Variants in SNTB2 observed in about 807,000 individuals in gnomAD.
SNTB2 encodes syntrophin beta 2, also known as beta-2-syntrophin.
SNTB2 carries 34 observed loss-of-function variants against 46.2 expected under a neutral mutation model. The observed-to-expected ratio is 0.74, with a 90% CI of 0.56 to 0.98. SNTB2 has a LOEUF of 0.98. Among genes scored for constraint, SNTB2 ranks in the 50% least tolerant of loss-of-function variants. The pLI is 0.00. For synonymous variants in SNTB2, 290 were observed against 312.6 expected, an observed-to-expected ratio of 0.93 and a Z score of 0.76; for missense variants, 603 against 731.4, an observed-to-expected ratio of 0.82 and a Z score of 2.02.
At chr16:69,191,974 A>G (rs1229891283) in intron 1 of SNTB2, among the ~76,000 whole-genome samples, 1 of 152,102 alleles carries the variant, frequency 6.6e-6, no homozygotes, top group Non-Finnish European at 1.5e-5. Flanking sequence ...TAATTGGGAC[A>G]GATTTGTATA....
intron 5 of SNTB2, among the ~76,000 whole-genome samples, chr16:69,297,306 CAAAAAAAAAAAAA>C (rs60543622): frequency 2.2e-4 from 10 of 45,724 alleles, no homozygotes; most frequent in South Asian, 3.6e-3. Context: ...GATTCTATCT[CAAAAAAAAAAAAA>C]AAAAAAAAAA....
chr16:69,267,943 A>T (rs1418221043), intron 3 of SNTB2, among the ~76,000 whole-genome samples: 1 of 152,238 alleles, frequency 6.6e-6, no homozygotes. Context: ...GATCAGTGTT[A>T]AAATGCAGTG....
intron 1 of SNTB2, among the ~76,000 whole-genome samples, chr16:69,201,889 T>G (rs1434559877): frequency 6.6e-6 from 1 of 152,284 alleles, no homozygotes; most frequent in East Asian, 1.9e-4. Context: ...CATACCTGGA[T>G]GGAAAATTGC....
intron 1 of SNTB2, among the ~76,000 whole-genome samples, chr16:69,223,890 G>A (rs12925053): frequency 0.16 from 24,812 of 151,516 alleles, 2,225 homozygotes; most frequent in Middle Eastern, 0.24. Context: ...TCAGCCTCCC[G>A]AAGTGTTGGG....
intron 1 of SNTB2, among the ~76,000 whole-genome samples, chr16:69,221,154 G>A (rs1964399945): frequency 6.6e-6 from 1 of 152,084 alleles, no homozygotes; most frequent in African/African-American, 2.4e-5. Context: ...GAATACAAAG[G>A]TTTAAAACAT....
chr16:69,265,281 G>A (rs1421863928), intron 3 of SNTB2, among the ~76,000 whole-genome samples: 1 of 151,940 alleles, frequency 6.6e-6, no homozygotes, highest in Non-Finnish European at 1.5e-5. Flanking sequence ...CCAAGGAAAA[G>A]GTTTATTTTA....
At position 69,305,204 on chromosome 16, in the gene SNTB2, G is replaced by A. The variant is rs1304665016; in HGVS notation, c.*4280G>A. 2 of 152,548 alleles carry A rather than the reference G, an allele frequency of 1.3e-5. No individual in the cohort carries two copies. The highest frequency in any genetic ancestry group is 4.8e-5 in the African/African-American group (2 of 41,426). 9.4% of individuals were successfully genotyped at this position (152,548 alleles called of 1,614,324 possible). A position where few individuals can be genotyped will look rare whatever the true frequency, so the allele number is the denominator to read the frequency against. ...AGAATCTCTGTTCATATATTTTAAT[G>A]CAAATTACCTTGTATGCTGCTATGC... On this transcript the variant is annotated 3_prime_UTR_variant, in exon 7 of 7. Transcript: ENST00000336278.
intron 1 of SNTB2, among the ~76,000 whole-genome samples, chr16:69,243,817 AC>A (rs1353608034): frequency 2.6e-5 from 4 of 152,224 alleles, no homozygotes; most frequent in African/African-American, 9.6e-5. Flanking sequence ...ACCCAGAAGC[AC>A]GTGTATTATA....
intron 4 of SNTB2, 135 bp downstream of exon 4, chr16:69,270,420 A>AT: frequency 9.0e-7 from 1 of 1,107,546 alleles, no homozygotes; most frequent in East Asian, 2.6e-5. Context: ...GCAGACAAAA[A>AT]TTTTTTGTTT....
Position 69,260,329 on chromosome 16 carries a change from A to G in SNTB2, c.1005+69A>G, listed in dbSNP as rs1301903916. Reference sequence around the variant, plus strand: ...GTGCCAGGATGGTTCCTCATTTAATATATCTGTAATACTTACCATGCAGTT... The same window carrying G: ...GTGCCAGGATGGTTCCTCATTTAATGTATCTGTAATACTTACCATGCAGTT... On this transcript the variant is annotated intron_variant, in intron 3 of 6. Coordinates refer to ENST00000336278, the MANE Select transcript of SNTB2 (RefSeq NM_006750.4). 28 of 1,369,388 alleles carry G rather than the reference A, an allele frequency of 2.0e-5. No homozygotes were observed. The East Asian group carries it at 4.0e-4, about 20-fold the overall frequency. The allele number at this position is 1,369,388 out of a possible 1,614,324, so 84.8% of individuals were successfully genotyped here.
chr16:69,212,985 A>C (rs1334836504), intron 1 of SNTB2, among the ~76,000 whole-genome samples: 1 of 152,208 alleles, frequency 6.6e-6, no homozygotes, highest in South Asian at 2.1e-4. Flanking sequence ...AATAGTGCTT[A>C]ATATACTGAG....
chr16:69,242,147 G>A (rs762693476), intron 1 of SNTB2, among the ~76,000 whole-genome samples: 3 of 152,054 alleles, frequency 2.0e-5, no homozygotes, highest in Non-Finnish European at 4.4e-5. Flanking sequence ...TGAGCAACAG[G>A]CTGGGTGGTG....
intron 5 of SNTB2, 125 bp from the exon 6 acceptor site, chr16:69,299,465 T>C (rs1965259113): frequency 1.1e-6 from 1 of 919,528 alleles, no homozygotes; most frequent in Non-Finnish European, 1.6e-6. Context: ...GAAGTTTCCA[T>C]ACAGGTTAGG....
intron 2 of SNTB2, among the ~76,000 whole-genome samples, chr16:69,246,847 A>G (rs557141568): frequency 1.4e-5 from 2 of 138,182 alleles, no homozygotes; most frequent in African/African-American, 5.4e-5. Context: ...GAATTGAACA[A>G]TGAGATCACA....
chr16:69,293,216 A>C (rs963607679), intron 5 of SNTB2, among the ~76,000 whole-genome samples: 1 of 152,172 alleles, frequency 6.6e-6, no homozygotes, highest in Non-Finnish European at 1.5e-5. Context: ...AGTTTGGCTC[A>C]TATGTCCAGT....
intron 2 of SNTB2, among the ~76,000 whole-genome samples, chr16:69,246,108 T>C (rs906885439): frequency 2.6e-5 from 4 of 152,236 alleles, no homozygotes; most frequent in African/African-American, 9.6e-5. Flanking sequence ...TTTATGTCTT[T>C]CTGTAATGTT....
intron 1 of SNTB2, among the ~76,000 whole-genome samples, chr16:69,221,645 G>A (rs1964406157): frequency 2.0e-5 from 3 of 152,066 alleles, no homozygotes; most frequent in Non-Finnish European, 2.9e-5. Context: ...GCATGGTGGC[G>A]CACGCCTGTA....
intron 1 of SNTB2, among the ~76,000 whole-genome samples, chr16:69,232,616 A>T (rs558297673): frequency 1.1e-4 from 16 of 143,608 alleles, no homozygotes; most frequent in Admixed American, 3.0e-4. Flanking sequence ...GGTTCAAGCG[A>T]TTCTCTTGCC....
chr16:69,187,559 G>C lies in SNTB2; in HGVS notation c.393G>C (p.Lys131Asn). The C allele has an allele frequency of 6.7e-7, 1 of 1,500,276 alleles. No individual in the cohort carries two copies. Among genetic ancestry groups the C allele is most frequent in the Non-Finnish European group, 8.9e-7 (1 of 1,126,328 alleles). The allele number at this position is 1,500,276 out of a possible 1,614,324, so 92.9% of individuals were successfully genotyped here. The change falls in exon 1 of 7, where the codon AAG (lysine) becomes AAC (asparagine). Residue 131 changes from lysine (K) to asparagine (N), a missense_variant. This residue lies in a region of SNTB2 where 537 missense variants were observed against 692.4 expected (regional missense o/e 0.78). Coordinates refer to ENST00000336278, the MANE Select transcript of SNTB2 (RefSeq NM_006750.4). ...CGGGCGGCCTGGGCATCAGCATCAA[G>C]GGCGGCCGCGAGAACCGGATGCCGA... ...QEAGGLGISI[K>N]GGRENRMPIL...
Sources: gnomAD v4.1 joint callset for allele counts (sites outside exome capture counted in the v4.1 genomes callset) on GRCh38, gnomAD v4.1.1 for gene constraint, gnomAD v4.1.1 regional missense constraint, MANE v1.5 for transcripts, NCBI Gene and HGNC (gene_info 2026-07-23, HGNC 2026-07-21) for gene names.